Variants in MACF1 observed in about 807,000 individuals in gnomAD.
The protein encoded by MACF1 is microtubule actin crosslinking factor 1, also known as microtubule-actin cross-linking factor 1.
Under a neutral mutation model 854.8 loss-of-function variants are expected in MACF1, and 193 were observed. That is an observed-to-expected ratio of 0.23 (90% CI 0.20 to 0.25). The LOEUF is 0.25. Among genes scored for constraint, MACF1 ranks in the 10% least tolerant of loss-of-function variants. The probability of loss-of-function intolerance (pLI) is 1.00; values close to 1 mark genes in which losing one functional copy is unlikely to be tolerated. For missense variants in MACF1, 7,722 were observed against 8,929.1 expected (o/e 0.86, Z 5.45); for synonymous variants, 3,185 against 3,226.7 (o/e 0.99, Z 0.44).
intron 2 of MACF1, among the ~76,000 whole-genome samples, chr1:39,173,038 T>G (rs1571133178): frequency 6.7e-6 from 1 of 149,462 alleles, no homozygotes; most frequent in South Asian, 2.1e-4. Flanking sequence ...CAAAACCCAG[T>G]GTGGAGTAGA....
Position 39,481,098 on chromosome 1 carries a change from T to A in MACF1, c.22281+68T>A, listed in dbSNP as rs192512267. On this transcript the variant is annotated intron_variant, in intron 99 of 100. Coordinates refer to ENST00000564288, the MANE Select transcript of MACF1 (RefSeq NM_001394062.1). ...GCCCTCGCTACTGGACTTGACCAGC[T>A]CTTCTTCCTGACACGAATCCCTGCA... 94 of 935,636 alleles carry A rather than the reference T, an allele frequency of 1.0e-4. 1 individual carries two copies. In the African/African-American group the frequency reaches 1.2e-3, roughly 12 times the overall value. The allele number at this position is 935,636 out of a possible 1,614,324, so 58.0% of individuals were successfully genotyped here.
At chr1:39,247,222 G>A (rs1309785482) in intron 2 of MACF1, among the ~76,000 whole-genome samples, 2 of 149,794 alleles carry the variant, frequency 1.3e-5, no homozygotes, top group Admixed American at 6.7e-5. Flanking sequence ...ACAGGCGCGC[G>A]CCACCATGCC....
At chr1:39,263,771 CTTTTT>C (rs11453750) in intron 6 of MACF1, among the ~76,000 whole-genome samples, 10 of 100,210 alleles carry the variant, frequency 1.0e-4, no homozygotes, top group South Asian at 3.5e-4. Context: ...TTTCTTTTTT[CTTTTT>C]TTTTTTTTTT....
At chr1:39,087,001 C>T (rs1022619432) in intron 2 of MACF1, among the ~76,000 whole-genome samples, 8 of 152,098 alleles carry the variant, frequency 5.3e-5, no homozygotes, top group African/African-American at 4.8e-5. Flanking sequence ...AGAGACGAGG[C>T]GGGACTGCGA....
At chr1:39,485,118 T>A (rs1480582355) in intron 100 of MACF1, 1 of 323,328 alleles carries the variant, frequency 3.1e-6, no homozygotes, top group Non-Finnish European at 5.7e-6. Flanking sequence ...CAGGGGAAGA[T>A]CACATCTGTT....
chr1:39,439,535 C>G, intron 72 of MACF1, 35 bp downstream of exon 72: 3 of 1,539,208 alleles, frequency 1.9e-6, no homozygotes, highest in Non-Finnish European at 2.7e-6. Flanking sequence ...TCTTAGGTGT[C>G]TGTCCTCTAG....
At chr1:39,463,732 T>C (rs1461078526) in intron 94 of MACF1, 46 bp downstream of exon 94, 9 of 1,547,320 alleles carry the variant, frequency 5.8e-6, no homozygotes, top group South Asian at 3.3e-5. Context: ...GTTTCTCATA[T>C]GTGGCTGATC....
chr1:39,259,088 T>G, intron 6 of MACF1, among the ~76,000 whole-genome samples: 1 of 152,308 alleles, frequency 6.6e-6, no homozygotes, highest in East Asian at 1.9e-4. Context: ...GGAAACTTTG[T>G]TGAGCTTTCA....
At chr1:39,271,818 G>C (rs965935293) in intron 6 of MACF1, among the ~76,000 whole-genome samples, 2 of 152,144 alleles carry the variant, frequency 1.3e-5, no homozygotes, top group Non-Finnish European at 1.5e-5. Context: ...AGATAGCAAT[G>C]GCACCTTTGT....
At chr1:39,236,960 T>C (rs1269606720) in intron 2 of MACF1, among the ~76,000 whole-genome samples, 1 of 152,204 alleles carries the variant, frequency 6.6e-6, no homozygotes, top group Non-Finnish European at 1.5e-5. Context: ...CAGCCGTGAT[T>C]TCCTTTTGTA....
At chr1:39,239,284 AAAACAAAC>A (rs113965164) in intron 2 of MACF1, among the ~76,000 whole-genome samples, 2,365 of 150,738 alleles carry the variant, frequency 0.016, 62 homozygotes, top group African/African-American at 0.053. Flanking sequence ...CTGTCTCAAA[AAAACAAAC>A]AAACAAACAA....
chr1:39,456,407 A>G (rs1644440142), intron 89 of MACF1, among the ~76,000 whole-genome samples: 1 of 152,218 alleles, frequency 6.6e-6, no homozygotes, highest in Non-Finnish European at 1.5e-5. Flanking sequence ...ACACTTTATT[A>G]TAAAATAGGC....
intron 97 of MACF1, among the ~76,000 whole-genome samples, chr1:39,478,309 C>T (rs1461627737): frequency 1.3e-5 from 2 of 151,990 alleles, no homozygotes; most frequent in African/African-American, 4.8e-5. Flanking sequence ...GGCCAAGGGT[C>T]ATGTATTGTT....
intron 6 of MACF1, chr1:39,269,396 T>G (rs959839532): frequency 7.8e-7 from 1 of 1,289,800 alleles, no homozygotes; most frequent in Non-Finnish European, 1.0e-6. Flanking sequence ...CAGGTGCCCC[T>G]CAGACAGCTT....
intron 93 of MACF1, among the ~76,000 whole-genome samples, chr1:39,463,192 A>G (rs893331006): frequency 7.2e-5 from 11 of 152,192 alleles, no homozygotes; most frequent in Non-Finnish European, 1.6e-4. Flanking sequence ...AAATGCCTAA[A>G]AAGTAAATAA....
intron 2 of MACF1, among the ~76,000 whole-genome samples, chr1:39,097,409 A>C (rs1006772113): frequency 6.6e-6 from 1 of 152,160 alleles, no homozygotes; most frequent in Non-Finnish European, 1.5e-5. Flanking sequence ...TCGAGTTGCA[A>C]TAGGATTCAG....
At chr1:39,408,740 T>C (rs1051079769) in intron 58 of MACF1, among the ~76,000 whole-genome samples, 3 of 152,038 alleles carry the variant, frequency 2.0e-5, no homozygotes, top group Non-Finnish European at 4.4e-5. Flanking sequence ...GTTCCTCTCC[T>C]TGCGCCCTCT....
chr1:39,291,414 C>T (rs918195175), intron 15 of MACF1, among the ~76,000 whole-genome samples: 5 of 152,166 alleles, frequency 3.3e-5, no homozygotes, highest in Non-Finnish European at 7.3e-5. Flanking sequence ...TTAAATTCTT[C>T]CTATGTCTGC....
chr1:39,349,326 G>A (rs572292861), intron 41 of MACF1, 152 bp from the exon 42 acceptor site: 34 of 695,968 alleles, frequency 4.9e-5, no homozygotes, highest in South Asian at 3.8e-4. Context: ...GGAGCTTTCC[G>A]AATATGATTT....
Sources: gnomAD v4.1 joint callset for allele counts (sites outside exome capture counted in the v4.1 genomes callset) on GRCh38, gnomAD v4.1.1 for gene constraint, MANE v1.5 for transcripts, NCBI Gene and HGNC (gene_info 2026-07-23, HGNC 2026-07-21) for gene names.